The following ACVR1 variants were observed in gnomAD, a reference collection of about 807,000 sequenced individuals.
ACVR1 encodes activin A receptor type 1, also known as activin receptor type-1.
In ACVR1, 38 loss-of-function variants were observed where a neutral mutation model predicts 57.1. The observed-to-expected ratio is 0.67, with a 90% CI of 0.51 to 0.87. ACVR1 has a LOEUF of 0.87. Among genes scored for constraint, ACVR1 ranks in the 40% least tolerant of loss-of-function variants. The pLI, the probability that ACVR1 is intolerant of heterozygous loss-of-function variation, is 0.00. For missense variants in ACVR1, 463 were observed against 638.2 expected (o/e 0.73, Z 2.96); for synonymous variants, 212 against 228.1 (o/e 0.93, Z 0.63).
chr2:157,849,918 C>G (rs1689239180), intron 1 of ACVR1, among the ~76,000 whole-genome samples: 1 of 152,190 alleles, frequency 6.6e-6, no homozygotes, highest in African/African-American at 2.4e-5. Context: ...AGTAACATTT[C>G]TATGTTGACT....
intron 10 of ACVR1, 93 bp downstream of exon 10, chr2:157,738,347 G>A (rs892315377): frequency 1.9e-6 from 3 of 1,565,232 alleles, no homozygotes; most frequent in Non-Finnish European, 2.6e-6. Context: ...CCACGGGACA[G>A]ATCACTCAGA....
chr2:157,756,958 AT>A (rs1457499303), intron 9 of ACVR1, among the ~76,000 whole-genome samples: 5 of 145,978 alleles, frequency 3.4e-5, no homozygotes, highest in East Asian at 3.9e-4. Context: ...ATCTACACGT[AT>A]TTTTTATATA....
chr2:157,749,559 G>T lies in ACVR1; in HGVS notation c.1265-10989C>A, dbSNP rs367555034. The stretch of plus-strand genomic sequence containing the variant: ...GCAGAATTCACCCTCAGATTCACTT[G>T]ATCATTCTCCTCAAGTTAAAACTCC... On this transcript the variant is annotated intron_variant, in intron 9 of 10. Coordinates refer to ENST00000434821, the MANE Select transcript of ACVR1 (RefSeq NM_001111067.4). Among the ~76,000 whole-genome samples the T allele has an allele frequency of 5.3e-5, 8 of 152,304 alleles. No individual in the cohort carries two copies. The South Asian group carries it at 1.7e-3, about 32-fold the overall frequency.
chr2:157,813,537 G>A (rs778922722), intron 2 of ACVR1, among the ~76,000 whole-genome samples: 1 of 152,170 alleles, frequency 6.6e-6, no homozygotes, highest in African/African-American at 2.4e-5. Flanking sequence ...GATGTCTGCC[G>A]TTTCTGATCA....
At chr2:157,786,313 C>A (rs1489679339) in intron 3 of ACVR1, among the ~76,000 whole-genome samples, 2 of 152,130 alleles carry the variant, frequency 1.3e-5, no homozygotes, top group African/African-American at 4.8e-5. Flanking sequence ...CATTACATAC[C>A]CCACAACAGC....
chr2:157,869,569 G>GA (rs1455265938), intron 1 of ACVR1, among the ~76,000 whole-genome samples: 36 of 152,274 alleles, frequency 2.4e-4, no homozygotes, highest in African/African-American at 8.2e-4. Context: ...TTTAACACCT[G>GA]TGCACATGCA....
At chr2:157,839,181 G>A (rs976921231) in intron 1 of ACVR1, among the ~76,000 whole-genome samples, 3 of 152,206 alleles carry the variant, frequency 2.0e-5, no homozygotes, top group Non-Finnish European at 4.4e-5. Context: ...GCCCCTTGCA[G>A]TCTGTTGTTA....
At chr2:157,845,709 C>T (rs1203309484) in intron 1 of ACVR1, among the ~76,000 whole-genome samples, 1 of 151,818 alleles carries the variant, frequency 6.6e-6, no homozygotes, top group Non-Finnish European at 1.5e-5. Flanking sequence ...AAAGACAAGC[C>T]GGTCATGGAG....
At chr2:157,834,901 T>C (rs1389015939) in intron 1 of ACVR1, among the ~76,000 whole-genome samples, 3 of 152,092 alleles carry the variant, frequency 2.0e-5, no homozygotes, top group Non-Finnish European at 4.4e-5. Flanking sequence ...CCTTCCACCA[T>C]GTGAAGACAG....
At chr2:157,825,722 T>G (rs1688319735) in intron 1 of ACVR1, among the ~76,000 whole-genome samples, 1 of 152,206 alleles carries the variant, frequency 6.6e-6, no homozygotes, top group African/African-American at 2.4e-5. Context: ...TTCCATGAAA[T>G]CAGTCTGCTG....
intron 3 of ACVR1, among the ~76,000 whole-genome samples, chr2:157,786,251 A>C (rs1477964270): frequency 8.5e-5 from 13 of 152,126 alleles, no homozygotes; most frequent in Non-Finnish European, 1.6e-4. Flanking sequence ...TTTCCTATAG[A>C]TTGTAAGCAC....
Position 157,811,227 on chromosome 2 carries a change from A to C in ACVR1, c.-8+7158T>G, listed in dbSNP as rs955558966. On this transcript the variant is annotated intron_variant, in intron 2 of 10. Coordinates refer to ENST00000434821, the MANE Select transcript of ACVR1 (RefSeq NM_001111067.4). Reference sequence around the variant, plus strand: ...TTCCTCTTCTGTCACTCATGCCTTAAATCTTGGTTTAGGCCCCACAGCTCA... The same window carrying C: ...TTCCTCTTCTGTCACTCATGCCTTACATCTTGGTTTAGGCCCCACAGCTCA... Among the ~76,000 whole-genome samples the C allele has an allele frequency of 2.0e-5, 3 of 152,072 alleles. No homozygotes were observed. In the South Asian group the frequency reaches 6.2e-4, roughly 32 times the overall value.
chr2:157,833,319 A>T (rs1001580662), intron 1 of ACVR1, among the ~76,000 whole-genome samples: 2 of 152,190 alleles, frequency 1.3e-5, no homozygotes, highest in Non-Finnish European at 2.9e-5. Flanking sequence ...AAGGGCAGAC[A>T]AGCATTACCC....
chr2:157,867,006 T>C (rs188596940), intron 1 of ACVR1, among the ~76,000 whole-genome samples: 1 of 152,240 alleles, frequency 6.6e-6, no homozygotes, highest in African/African-American at 2.4e-5. Context: ...TCTCCAGAGT[T>C]TCAGTTCCAT....
intron 3 of ACVR1, among the ~76,000 whole-genome samples, chr2:157,795,961 C>T (rs956988522): frequency 2.0e-5 from 3 of 152,098 alleles, no homozygotes; most frequent in East Asian, 1.9e-4. Context: ...TGGTGGCTCA[C>T]GCCTGTAATC....
intron 2 of ACVR1, among the ~76,000 whole-genome samples, chr2:157,817,867 C>T (rs571947861): frequency 1.5e-4 from 23 of 151,786 alleles, no homozygotes; most frequent in South Asian, 4.2e-4. Context: ...CTGGCTGTGG[C>T]GGCACACACC....
chr2:157,789,946 G>A (rs1490722834), intron 3 of ACVR1, among the ~76,000 whole-genome samples: 4 of 152,214 alleles, frequency 2.6e-5, no homozygotes, highest in African/African-American at 9.7e-5. Context: ...CTGAACTGCT[G>A]TAAGGAGAAC....
At chr2:157,803,902 C>A (rs1008122306) in intron 2 of ACVR1, among the ~76,000 whole-genome samples, 2 of 148,496 alleles carry the variant, frequency 1.3e-5, no homozygotes, top group African/African-American at 5.2e-5. Flanking sequence ...CAATAACATA[C>A]TACCTTATTT....
intron 9 of ACVR1, among the ~76,000 whole-genome samples, chr2:157,750,217 C>T (rs1220232119): frequency 2.0e-5 from 3 of 152,222 alleles, no homozygotes; most frequent in Admixed American, 1.3e-4. Context: ...ATCATCAATG[C>T]CACACAAGCC....
Sources: allele counts gnomAD v4.1 joint callset (sites outside exome capture counted in the v4.1 genomes callset), GRCh38; gene constraint gnomAD v4.1.1; transcripts MANE v1.5; gene names NCBI Gene and HGNC (gene_info 2026-07-23, HGNC 2026-07-21).